The following GULP1 variants were observed in gnomAD, a reference collection of about 807,000 sequenced individuals.
The protein encoded by GULP1 is GULP PTB domain containing engulfment adaptor 1.
GULP1 carries 19 observed loss-of-function variants against 40.9 expected under a neutral mutation model. That is an observed-to-expected ratio of 0.46 (90% CI 0.32 to 0.68). The LOEUF is 0.68. Ranked by LOEUF, GULP1 falls within the 30% of genes least tolerant of loss-of-function variation. The pLI, the probability that GULP1 is intolerant of heterozygous loss-of-function variation, is 0.03. For synonymous variants in GULP1, 119 were observed against 117.6 expected, an observed-to-expected ratio of 1.01 and a Z score of -0.08; for missense variants, 312 against 362.2, an observed-to-expected ratio of 0.86 and a Z score of 1.12.
At chr2:188,542,330 CAGAT>C (rs1022808861) in intron 7 of GULP1, among the ~76,000 whole-genome samples, 2 of 152,030 alleles carry the variant, frequency 1.3e-5, no homozygotes, top group East Asian at 1.9e-4. Flanking sequence ...TCAAAAATAA[CAGAT>C]AGCTAATATT....
At chr2:188,388,114 A>T (rs1321345091) in intron 2 of GULP1, among the ~76,000 whole-genome samples, 2 of 145,894 alleles carry the variant, frequency 1.4e-5, no homozygotes, top group Non-Finnish European at 3.0e-5. Flanking sequence ...CCCATCTATG[A>T]GTGAGAACAT....
chr2:188,414,824 T>C (rs2054372170), intron 2 of GULP1, among the ~76,000 whole-genome samples: 1 of 152,196 alleles, frequency 6.6e-6, no homozygotes, highest in South Asian at 2.1e-4. Context: ...AAACAAACTT[T>C]AGGTAATTAG....
intron 7 of GULP1, among the ~76,000 whole-genome samples, chr2:188,549,390 G>A (rs1209691184): frequency 1.3e-5 from 2 of 151,732 alleles, no homozygotes; most frequent in African/African-American, 4.8e-5. Flanking sequence ...AAGTAAGCAC[G>A]TGAAAAGATG....
intron 3 of GULP1, among the ~76,000 whole-genome samples, chr2:188,481,475 G>A (rs1022996406): frequency 6.6e-6 from 1 of 151,868 alleles, no homozygotes; most frequent in East Asian, 1.9e-4. Flanking sequence ...TTGATAATAT[G>A]GATGCAGATT....
intron 5 of GULP1, 84 bp downstream of exon 5, chr2:188,522,911 G>C: frequency 2.4e-6 from 2 of 844,906 alleles, no homozygotes; most frequent in South Asian, 2.8e-5. Context: ...AGCATGAACA[G>C]CTTTGCTGCA....
intron 1 of GULP1, among the ~76,000 whole-genome samples, chr2:188,382,111 CT>C (rs2049075013): frequency 6.6e-6 from 1 of 152,116 alleles, no homozygotes; most frequent in African/African-American, 2.4e-5. Context: ...TATAACCTCT[CT>C]TTTAGTGCTG....
intron 4 of GULP1, among the ~76,000 whole-genome samples, chr2:188,486,256 T>G (rs2061853255): frequency 6.6e-6 from 1 of 152,012 alleles, no homozygotes; most frequent in Non-Finnish European, 1.5e-5. Context: ...GGTAATAAGT[T>G]TACCATAGGG....
chr2:188,375,556 G>T (rs1032581102), intron 1 of GULP1, among the ~76,000 whole-genome samples: 3 of 152,154 alleles, frequency 2.0e-5, no homozygotes, highest in Non-Finnish European at 4.4e-5. Context: ...TGCTTAATAA[G>T]AACTCTTAAT....
chr2:188,357,679 C>A (rs1057119488), intron 1 of GULP1, among the ~76,000 whole-genome samples: 38 of 152,030 alleles, frequency 2.5e-4, no homozygotes, highest in African/African-American at 8.7e-4. Context: ...GCCGTATGAT[C>A]AGCAGTCTCA....
intron 1 of GULP1, among the ~76,000 whole-genome samples, chr2:188,369,797 C>T (rs528880790): frequency 4.6e-5 from 7 of 152,256 alleles, no homozygotes; most frequent in South Asian, 4.2e-4. Context: ...CTTCCCATCC[C>T]GCTCAGAGTC....
Position 188,457,783 on chromosome 2 carries a change from A to G in GULP1, c.-44-19876A>G, listed in dbSNP as rs550176273. Among the ~76,000 whole-genome samples, 25 of 152,270 alleles carry G rather than the reference A, an allele frequency of 1.6e-4. No homozygotes were observed. In the East Asian group the frequency reaches 3.1e-3, roughly 19 times the overall value. ...TCCCAACCCCTGTTAATGACTATGC[A>G]TTCTTCTACTTAAGCAAACAATATG... On this transcript the variant is annotated intron_variant, in intron 2 of 11. Transcript: ENST00000409830.
At chr2:188,518,425 T>G (rs2065405160) in intron 4 of GULP1, among the ~76,000 whole-genome samples, 1 of 151,994 alleles carries the variant, frequency 6.6e-6, no homozygotes, top group South Asian at 2.1e-4. Context: ...CCACAAAACT[T>G]GTGGAGTTAC....
At chr2:188,352,777 A>C (rs1368339790) in intron 1 of GULP1, among the ~76,000 whole-genome samples, 1 of 152,124 alleles carries the variant, frequency 6.6e-6, no homozygotes, top group Non-Finnish European at 1.5e-5. Flanking sequence ...CTCACTATTG[A>C]GGAACTGAAA....
At chr2:188,533,509 C>T (rs1052768791) in intron 6 of GULP1, among the ~76,000 whole-genome samples, 1 of 152,094 alleles carries the variant, frequency 6.6e-6, no homozygotes, top group African/African-American at 2.4e-5. Context: ...AAATGTAAGA[C>T]CTTAAAGTAT....
At chr2:188,326,916 T>A (rs1329050899) in intron 1 of GULP1, among the ~76,000 whole-genome samples, 2 of 152,110 alleles carry the variant, frequency 1.3e-5, no homozygotes. Context: ...GCAGACAGTC[T>A]GTACAAGGCA....
intron 2 of GULP1, among the ~76,000 whole-genome samples, chr2:188,396,747 A>G (rs2051329366): frequency 6.6e-6 from 1 of 152,140 alleles, no homozygotes; most frequent in Admixed American, 6.5e-5. Context: ...ATTATATTGT[A>G]AATTTCAGTT....
At chr2:188,318,625 T>C (rs2039495188) in intron 1 of GULP1, among the ~76,000 whole-genome samples, 1 of 151,702 alleles carries the variant, frequency 6.6e-6, no homozygotes, top group Non-Finnish European at 1.5e-5. Context: ...CATATTAGTT[T>C]ATCATTGGCA....
chr2:188,418,238 A>T (rs1259523995), intron 2 of GULP1, among the ~76,000 whole-genome samples: 1 of 152,150 alleles, frequency 6.6e-6, no homozygotes, highest in East Asian at 1.9e-4. Flanking sequence ...AAATATTTAC[A>T]ATGCTTACCT....
intron 1 of GULP1, among the ~76,000 whole-genome samples, chr2:188,341,594 CAG>C (rs1257294750): frequency 1.3e-5 from 2 of 152,046 alleles, no homozygotes; most frequent in Non-Finnish European, 2.9e-5. Flanking sequence ...CCGAGAGTCT[CAG>C]GGGAATTTAT....
Sources: gnomAD v4.1 joint callset for allele counts (sites outside exome capture counted in the v4.1 genomes callset) on GRCh38, gnomAD v4.1.1 for gene constraint, MANE v1.5 for transcripts, NCBI Gene and HGNC (gene_info 2026-07-23, HGNC 2026-07-21) for gene names.